The following MYO15B variants were observed in gnomAD, a reference collection of about 807,000 sequenced individuals.
MYO15B encodes the protein myosin XVB pseudogene.
In MYO15B, 207 loss-of-function variants were observed where a neutral mutation model predicts 119.3. The observed-to-expected ratio is 1.73, with a 90% CI of 1.55 to 1.95. The LOEUF is 1.95. Among genes scored for constraint, MYO15B ranks in the 30% most tolerant of loss-of-function variants. The probability of loss-of-function intolerance (pLI) is 0.00; values close to 1 mark genes in which losing one functional copy is unlikely to be tolerated. For missense variants in MYO15B, 2,264 were observed against 1,203.1 expected (o/e 1.88, Z -13.04); for synonymous variants, 966 against 498.9 (o/e 1.94, Z -12.48).
intron 52 of MYO15B, 171 bp from the exon 53 acceptor site, chr17:75,621,833 G>A: frequency 1.6e-6 from 1 of 612,342 alleles, no homozygotes; most frequent in Admixed American, 2.7e-5. Flanking sequence ...ATACCCAGGA[G>A]CCTCAGTTTC....
chr17:75,623,907 T>C (rs1218248363), intron 54 of MYO15B, 42 bp from the exon 55 acceptor site: 4 of 702,754 alleles, frequency 5.7e-6, no homozygotes, highest in African/African-American at 1.7e-5. Context: ...AGCTGGGCAC[T>C]GTGGCCTGGC....
chr17:75,613,327 G>A (rs1350207367), exon 28 of MYO15B: 3 of 674,900 alleles, frequency 4.4e-6, no homozygotes, highest in East Asian at 2.7e-5. Context: ...GGGCATGGCA[G>A]CGCTGTGCCA....
chr17:75,592,390 C>T (rs1414974935), intron 7 of MYO15B, 38 bp from the exon 8 acceptor site: 1 of 681,138 alleles, frequency 1.5e-6, no homozygotes, highest in East Asian at 2.7e-5. Flanking sequence ...CTCTAAGCCC[C>T]TAGGGCACTG....
At chr17:75,615,790 C>T (rs1446380758) in exon 36 of MYO15B, 2 of 702,556 alleles carry the variant, frequency 2.8e-6, no homozygotes, top group Admixed American at 4.0e-5. Flanking sequence ...GCGTCCCAGG[C>T]CTCACCCTCA....
exon 29 of MYO15B, chr17:75,613,758 G>T (rs1189561346): frequency 1.4e-6 from 1 of 702,524 alleles, no homozygotes; most frequent in South Asian, 1.5e-5. Flanking sequence ...GCAGCTGGCT[G>T]GGTGGATCCT....
At chr17:75,592,640 T>C in intron 8 of MYO15B, 39 bp from the exon 9 acceptor site, 1 of 669,512 alleles carries the variant, frequency 1.5e-6, no homozygotes, top group South Asian at 1.6e-5. Context: ...GGCTATGGGG[T>C]GGCAGGCCCC....
chr17:75,595,671 G>A (rs544470986), intron 12 of MYO15B, among the ~76,000 whole-genome samples: 3 of 152,318 alleles, frequency 2.0e-5, no homozygotes, highest in South Asian at 2.1e-4. Context: ...CCTGTCCTCC[G>A]TGGCCTTGTA....
chr17:75,621,766 G>A, intron 52 of MYO15B, 196 bp downstream of exon 52: 1 of 601,248 alleles, frequency 1.7e-6, no homozygotes, highest in African/African-American at 1.8e-5. Flanking sequence ...TGTGGAGTCT[G>A]GGGTTGGAAG....
chr17:75,622,209 A>AG (rs1452778704), intron 53 of MYO15B, 129 bp downstream of exon 53: 2 of 636,560 alleles, frequency 3.1e-6, no homozygotes, highest in East Asian at 2.7e-5. Context: ...CATTGCGTGC[A>AG]GGGGGGTGTG....
chr17:75,607,485 C>T (rs1049699958), intron 21 of MYO15B, among the ~76,000 whole-genome samples: 3 of 150,722 alleles, frequency 2.0e-5, no homozygotes, highest in Non-Finnish European at 4.4e-5. Context: ...GAGTCTTGCT[C>T]TGTTGCCCAG....
Position 75,616,328 on chromosome 17 carries a change from AG to A in MYO15B, c.6127del (p.Val2043Ter). 1.6e-6 allele frequency: 1 copy of A among 608,652 alleles called. No individual in the cohort carries two copies. The highest frequency in any genetic ancestry group is 1.9e-5 in the African/African-American group (1 of 54,048). The allele number at this position is 608,652 out of a possible 1,614,324, so 37.7% of individuals were successfully genotyped here. A position where few individuals can be genotyped will look rare whatever the true frequency, so the allele number is the denominator to read the frequency against. ...CACTTGCAGGGCAGCCACAGATCAC[AG>A]TGAGGACGATGAAGCCCCCGGCCAA... On this transcript the variant is annotated frameshift_variant, in exon 38 of 64. Transcript: ENST00000645453. LOFTEE classifies it high-confidence loss of function.
chr17:75,626,734 TTGCCCAGTCTGAGGGAGA>T, exon 64 of MYO15B: 1 of 563,196 alleles, frequency 1.8e-6, no homozygotes, highest in East Asian at 3.0e-5. Context: ...GCACCTGAGG[TTGCCCAGTCTGAGGGAGA>T]TGCCCACCCG....
intron 9 of MYO15B, among the ~76,000 whole-genome samples, chr17:75,593,252 C>T (rs1441762265): frequency 1.4e-5 from 2 of 144,236 alleles, no homozygotes; most frequent in African/African-American, 5.1e-5. Flanking sequence ...ACCTGTAATC[C>T]TAGCACTTTG....
At chr17:75,622,402 G>A (rs913801771) in intron 53 of MYO15B, among the ~76,000 whole-genome samples, 2 of 152,188 alleles carry the variant, frequency 1.3e-5, no homozygotes, top group Non-Finnish European at 2.9e-5. Flanking sequence ...GAGAAGGGCA[G>A]GCAACAGTTC....
intron 13 of MYO15B, 34 bp downstream of exon 13, chr17:75,596,589 G>A (rs770813247): frequency 1.4e-5 from 10 of 701,974 alleles, no homozygotes; most frequent in South Asian, 5.9e-5. Context: ...GGCAGGGGCC[G>A]CTCAGGCATT....
chr17:75,617,995 G>C, intron 42 of MYO15B, 73 bp downstream of exon 42: 1 of 692,030 alleles, frequency 1.4e-6, no homozygotes, highest in Non-Finnish European at 2.7e-6. Context: ...GTGCATCCCA[G>C]CCTGGGACCC....
Position 75,610,126 on chromosome 17 carries a change from T to C in MYO15B, c.4293-40T>C, listed in dbSNP as rs1157344165. The C allele has an allele frequency of 4.4e-6, 3 of 677,610 alleles. No individual in the cohort carries two copies. The South Asian group carries it at 4.6e-5, about 10-fold the overall frequency. The allele number at this position is 677,610 out of a possible 1,614,324, so 42.0% of individuals were successfully genotyped here. On this transcript the variant is annotated intron_variant, in intron 21 of 63. Transcript: ENST00000645453. ...CAGTGCCAGGCAGGAAGCATAAGTT[T>C]GGACTCTTCATTTCGCCCCCGCTCT...
intron 25 of MYO15B, 101 bp from the exon 26 acceptor site, chr17:75,612,697 G>C: frequency 1.5e-6 from 1 of 658,248 alleles, no homozygotes; most frequent in Non-Finnish European, 2.7e-6. Flanking sequence ...ATGCATTTCT[G>C]TCCAGCCCCT....
At chr17:75,602,871 G>A in exon 17 of MYO15B, 1 of 672,534 alleles carries the variant, frequency 1.5e-6, no homozygotes, top group Non-Finnish European at 2.7e-6. Context: ...CCCAGTCCAG[G>A]GGAGGGCGAG....
Sources: allele counts gnomAD v4.1 joint callset (sites outside exome capture counted in the v4.1 genomes callset), GRCh38; gene constraint gnomAD v4.1.1; transcripts MANE v1.5; gene names NCBI Gene and HGNC (gene_info 2026-07-23, HGNC 2026-07-21).